The following TRPM3 variants were observed in gnomAD, a reference collection of about 807,000 sequenced individuals.
TRPM3 encodes transient receptor potential cation channel subfamily M member 3.
A neutral mutation model predicts 181.2 loss-of-function variants in TRPM3; 77 were observed. That is an observed-to-expected ratio of 0.42 (90% CI 0.35 to 0.51). The LOEUF is 0.51. Ranked by LOEUF, TRPM3 falls within the 20% of genes least tolerant of loss-of-function variation. TRPM3 has a pLI of 0.01. For missense variants in TRPM3, 1,759 were observed against 2,196.7 expected (o/e 0.80, Z 3.98); for synonymous variants, 745 against 796.4 (o/e 0.94, Z 1.09).
At chr9:70,991,002 A>G (rs932309547) in intron 1 of TRPM3, among the ~76,000 whole-genome samples, 4 of 152,198 alleles carry the variant, frequency 2.6e-5, no homozygotes, top group Admixed American at 2.0e-4. Context: ...TTGGAAGTTA[A>G]TATGTGTTAC....
At chr9:70,853,743 G>T (rs2095308625) in intron 3 of TRPM3, among the ~76,000 whole-genome samples, 1 of 152,148 alleles carries the variant, frequency 6.6e-6, no homozygotes, top group Non-Finnish European at 1.5e-5. Flanking sequence ...GGGTGGCTCT[G>T]GCCCTTGGAT....
intron 1 of TRPM3, among the ~76,000 whole-genome samples, chr9:70,884,672 AT>A (rs1352118791): frequency 2.6e-5 from 4 of 152,118 alleles, no homozygotes; most frequent in Non-Finnish European, 5.9e-5. Flanking sequence ...AACATCCTAA[AT>A]GTGTTTGGTT....
chr9:71,070,893 G>A (rs1230778074), intron 1 of TRPM3, among the ~76,000 whole-genome samples: 1 of 152,144 alleles, frequency 6.6e-6, no homozygotes, highest in Non-Finnish European at 1.5e-5. Context: ...TTCAGTATAT[G>A]TCAAAACCAT....
At chr9:71,366,356 G>A (rs1284425429) in intron 1 of TRPM3, among the ~76,000 whole-genome samples, 1 of 152,172 alleles carries the variant, frequency 6.6e-6, no homozygotes, top group African/African-American at 2.4e-5. Context: ...GTGGGACAGG[G>A]AGGGGCATGG....
intron 6 of TRPM3, among the ~76,000 whole-genome samples, chr9:70,818,981 T>A (rs1307050471): frequency 1.3e-5 from 2 of 152,212 alleles, no homozygotes; most frequent in East Asian, 3.8e-4. Context: ...TCACTGCCAT[T>A]CACTAGTAAC....
intron 1 of TRPM3, among the ~76,000 whole-genome samples, chr9:71,015,965 G>C (rs184255134): frequency 6.6e-6 from 1 of 151,950 alleles, no homozygotes; most frequent in African/African-American, 2.4e-5. Flanking sequence ...GGGAGGCCGA[G>C]GGAGGCGGAT....
At chr9:71,374,080 TA>T (rs560093605) in intron 1 of TRPM3, among the ~76,000 whole-genome samples, 108 of 152,262 alleles carry the variant, frequency 7.1e-4, no homozygotes, top group African/African-American at 2.5e-3. Context: ...CCCTTCATGT[TA>T]AAAACTCTCA....
intron 22 of TRPM3, among the ~76,000 whole-genome samples, chr9:70,582,199 T>A (rs1160903405): frequency 6.6e-6 from 1 of 151,962 alleles, no homozygotes; most frequent in Non-Finnish European, 1.5e-5. Flanking sequence ...TGTGTGTGTG[T>A]GTGTGTGTGT....
intron 8 of TRPM3, among the ~76,000 whole-genome samples, chr9:70,684,977 A>C (rs1479608457): frequency 6.6e-6 from 1 of 152,128 alleles, no homozygotes; most frequent in Non-Finnish European, 1.5e-5. Flanking sequence ...CAGGATGTTT[A>C]TATGCTGTTT....
At chr9:71,235,451 G>GCCTA (rs2081303151) in intron 1 of TRPM3, among the ~76,000 whole-genome samples, 1 of 152,134 alleles carries the variant, frequency 6.6e-6, no homozygotes, top group African/African-American at 2.4e-5. Context: ...TATCCCCAGT[G>GCCTA]CCTAGTACAT....
chr9:71,034,148 T>C (rs537878357), intron 1 of TRPM3, among the ~76,000 whole-genome samples: 2 of 152,296 alleles, frequency 1.3e-5, no homozygotes, highest in African/African-American at 2.4e-5. Context: ...ACAATGTTAT[T>C]TGAAGACCTA....
At chr9:70,629,198 G>T (rs2065231282) in intron 12 of TRPM3, among the ~76,000 whole-genome samples, 1 of 123,722 alleles carries the variant, frequency 8.1e-6, no homozygotes, top group Non-Finnish European at 1.7e-5. Flanking sequence ...GAGGATAAAT[G>T]ATTCTGTGAC....
chr9:71,432,207 G>A (rs891970959), intron 1 of TRPM3, among the ~76,000 whole-genome samples: 2 of 151,836 alleles, frequency 1.3e-5, no homozygotes, highest in Non-Finnish European at 2.9e-5. Flanking sequence ...CAGCCTAACA[G>A]TCTGTCTCCA....
chr9:70,990,297 T>A (rs373049293), intron 1 of TRPM3, among the ~76,000 whole-genome samples: 1 of 152,136 alleles, frequency 6.6e-6, no homozygotes, highest in Non-Finnish European at 1.5e-5. Context: ...CAACAATACA[T>A]CTAAAACCAG....
intron 1 of TRPM3, among the ~76,000 whole-genome samples, chr9:70,984,498 A>G (rs953682154): frequency 4.6e-5 from 7 of 152,230 alleles, no homozygotes; most frequent in Non-Finnish European, 7.3e-5. Context: ...GTCTTCCCAT[A>G]AAACAGAATA....
intron 20 of TRPM3, 47 bp downstream of exon 20, chr9:70,603,295 C>T (rs202244590): frequency 6.3e-7 from 1 of 1,596,022 alleles, no homozygotes; most frequent in East Asian, 2.2e-5. Flanking sequence ...ACAGATAGAA[C>T]TTAACCACTG....
chr9:71,135,291 G>C (rs527699019), intron 1 of TRPM3, among the ~76,000 whole-genome samples: 2 of 152,190 alleles, frequency 1.3e-5, no homozygotes, highest in South Asian at 2.1e-4. Flanking sequence ...AGTTCTGTTG[G>C]GGGGACAGAG....
chr9:70,961,196 A>G (rs1564850105), intron 1 of TRPM3, among the ~76,000 whole-genome samples: 1 of 152,136 alleles, frequency 6.6e-6, no homozygotes, highest in Non-Finnish European at 1.5e-5. Context: ...TGTGCTTTGA[A>G]GATGGAGGAA....
At chr9:71,026,829 C>T (rs912925214) in intron 1 of TRPM3, among the ~76,000 whole-genome samples, 1 of 152,220 alleles carries the variant, frequency 6.6e-6, no homozygotes, top group Non-Finnish European at 1.5e-5. Context: ...ATCATTCTAA[C>T]ACCACCACTG....
Sources: allele counts gnomAD v4.1 joint callset (sites outside exome capture counted in the v4.1 genomes callset), GRCh38; gene constraint gnomAD v4.1.1; transcripts MANE v1.5; gene names NCBI Gene and HGNC (gene_info 2026-07-23, HGNC 2026-07-21).